TANC2: variants seen among roughly 807,000 people sequenced by gnomAD.
TANC2 encodes the protein protein TANC2.
TANC2 carries 26 observed loss-of-function variants against 210.5 expected under a neutral mutation model. The ratio of observed to expected loss-of-function variants is 0.12; its 90% CI spans 0.09 to 0.17. TANC2 has a LOEUF of 0.17. Among genes scored for constraint, TANC2 ranks in the 10% least tolerant of loss-of-function variants. The pLI, the probability that TANC2 is intolerant of heterozygous loss-of-function variation, is 1.00. For synonymous variants in TANC2, 931 were observed against 967.1 expected, an observed-to-expected ratio of 0.96 and a Z score of 0.69; for missense variants, 2,129 against 2,608.9, an observed-to-expected ratio of 0.82 and a Z score of 4.01.
chr17:63,102,325 A>T (rs2037656031), intron 4 of TANC2, among the ~76,000 whole-genome samples: 1 of 151,984 alleles, frequency 6.6e-6, no homozygotes, highest in South Asian at 2.1e-4. Context: ...AAAAAAAATA[A>T]AAATAAATAA....
In TANC2 at chr17:63,077,844, A is replaced by G. The variant is rs1312575089; in HGVS notation, c.139+3830A>G. On this transcript the variant is annotated intron_variant, in intron 3 of 27. Transcript: ENST00000689528. ...ATTTGGACTATTATGATAGGAAACA[A>G]TGCTCTAAAGGAGGGCAAGTCTGAC... 2.6e-5 allele frequency among the ~76,000 whole-genome samples: 4 copies of G among 152,208 alleles called. 1 individual carries two copies. The South Asian group carries it at 6.2e-4, about 24-fold the overall frequency.
At chr17:63,191,680 C>T (rs953340342) in intron 5 of TANC2, among the ~76,000 whole-genome samples, 1 of 152,078 alleles carries the variant, frequency 6.6e-6, no homozygotes, top group Admixed American at 6.5e-5. Context: ...CCAGGCTGGT[C>T]TTGAACTCCT....
intron 5 of TANC2, chr17:63,153,676 TGTTCAGTG>T (rs1188138627): frequency 4.6e-5 from 7 of 152,172 alleles, no homozygotes; most frequent in Non-Finnish European, 8.8e-5. Context: ...GTACAGTCAT[TGTTCAGTG>T]GTTCAGTGAA....
intron 4 of TANC2, among the ~76,000 whole-genome samples, chr17:63,134,967 A>G (rs2039040939): frequency 6.6e-6 from 1 of 152,200 alleles, no homozygotes; most frequent in Admixed American, 6.5e-5. Context: ...GCGCACACCT[A>G]GCAGTTTGGG....
At chr17:63,250,306 T>TTATG (rs1477844698) in intron 8 of TANC2, among the ~76,000 whole-genome samples, 1 of 152,000 alleles carries the variant, frequency 6.6e-6, no homozygotes, top group East Asian at 1.9e-4. Flanking sequence ...ATTTATTTAT[T>TTATG]TATGAATGAA....
intron 5 of TANC2, among the ~76,000 whole-genome samples, chr17:63,173,116 A>T (rs2040462284): frequency 6.6e-6 from 1 of 152,218 alleles, no homozygotes; most frequent in Non-Finnish European, 1.5e-5. Context: ...TAATTAGATA[A>T]CATAATTGTC....
chr17:63,075,306 G>T (rs2036532730), intron 3 of TANC2, among the ~76,000 whole-genome samples: 2 of 152,134 alleles, frequency 1.3e-5, no homozygotes, highest in South Asian at 4.2e-4. Context: ...TCTGAGCTTT[G>T]TCAGTTAAAA....
intron 2 of TANC2, among the ~76,000 whole-genome samples, chr17:63,068,937 G>A (rs551931855): frequency 6.6e-6 from 1 of 152,074 alleles, no homozygotes; most frequent in Non-Finnish European, 1.5e-5. Context: ...AAACATGCTT[G>A]TGATTTTACA....
intron 7 of TANC2, among the ~76,000 whole-genome samples, chr17:63,203,706 A>G (rs1382160178): frequency 6.6e-6 from 1 of 152,212 alleles, no homozygotes; most frequent in Non-Finnish European, 1.5e-5. Flanking sequence ...TCCAAAGAGA[A>G]GAAAACAGAG....
At chr17:63,087,156 C>A (rs568229675) in intron 3 of TANC2, among the ~76,000 whole-genome samples, 1 of 152,214 alleles carries the variant, frequency 6.6e-6, no homozygotes, top group Non-Finnish European at 1.5e-5. Context: ...GAACCAAATC[C>A]GGACACACTG....
At chr17:63,143,713 C>T (rs1288782422) in intron 4 of TANC2, among the ~76,000 whole-genome samples, 3 of 152,014 alleles carry the variant, frequency 2.0e-5, no homozygotes, top group African/African-American at 4.8e-5. Flanking sequence ...ATAGTTATTT[C>T]ATCCCTTATT....
chr17:63,250,040 T>A (rs1310533396), intron 8 of TANC2, among the ~76,000 whole-genome samples: 1 of 151,886 alleles, frequency 6.6e-6, no homozygotes, highest in East Asian at 1.9e-4. Flanking sequence ...AGTTAAATGC[T>A]GAGTTGTCCT....
At chr17:63,183,857 A>G (rs1398223367) in intron 5 of TANC2, among the ~76,000 whole-genome samples, 2 of 152,158 alleles carry the variant, frequency 1.3e-5, no homozygotes, top group Non-Finnish European at 2.9e-5. Context: ...CTCTACGAAA[A>G]ATACAAAAAA....
At chr17:63,290,019 C>T (rs141331415) in intron 9 of TANC2, among the ~76,000 whole-genome samples, 3 of 152,304 alleles carry the variant, frequency 2.0e-5, no homozygotes, top group African/African-American at 7.2e-5. Context: ...GGAATGCTTC[C>T]CTTCAGTTAG....
exon 28 of TANC2, chr17:63,423,231 T>C (rs555629673): frequency 6.6e-6 from 1 of 152,226 alleles, no homozygotes; most frequent in Non-Finnish European, 1.5e-5. Flanking sequence ...AAAAACTGTT[T>C]CAGGGTGAAG....
chr17:63,049,698 A>G (rs1314412008), intron 2 of TANC2, among the ~76,000 whole-genome samples: 1 of 152,186 alleles, frequency 6.6e-6, no homozygotes, highest in Non-Finnish European at 1.5e-5. Context: ...AGAAGAGTTT[A>G]ATGATCTATT....
chr17:63,202,552 T>C (rs1331468784), intron 7 of TANC2, among the ~76,000 whole-genome samples: 1 of 152,164 alleles, frequency 6.6e-6, no homozygotes, highest in African/African-American at 2.4e-5. Flanking sequence ...CAATTAAGTA[T>C]TTAGGAGCAG....
intron 4 of TANC2, chr17:63,120,805 C>T (rs1235436852): frequency 9.3e-6 from 1 of 107,982 alleles, no homozygotes. Context: ...CAGTATGAGA[C>T]CCTGTCTCAA....
chr17:63,420,087 G>A lies in TANC2; in HGVS notation c.4357G>A (p.Glu1453Lys), dbSNP rs372679973. 1.3e-3 allele frequency: 2,022 copies of A among 1,552,096 alleles called. 4 individuals are homozygous for A. The highest frequency in any genetic ancestry group is 1.7e-3 in the Non-Finnish European group (1,909 of 1,147,158). Residue 1453 changes from glutamate (E) to lysine (K), a missense_variant, in exon 28 of 28, where the codon GAA (glutamate) becomes AAA (lysine). By Grantham distance (56) the Glu-to-Lys change is moderately conservative. Transcript: ENST00000689528. This position sits in a 1 kb window ranked among gnomAD's most constrained non-coding sequence, Gnocchi z 4.2. ...GATCCAGAGACTTCTGCTGAGAGTGGAAGAAGAGTGTAGACAGATGCAGCA... is the reference window on the plus strand; with the variant it reads ...GATCCAGAGACTTCTGCTGAGAGTGAAAGAAGAGTGTAGACAGATGCAGCA...
Sources: gnomAD v4.1 joint callset for allele counts (sites outside exome capture counted in the v4.1 genomes callset) on GRCh38, gnomAD v4.1.1 for gene constraint, Gnocchi (gnomAD v3.1) non-coding constraint, MANE v1.5 for transcripts, NCBI Gene and HGNC (gene_info 2026-07-23, HGNC 2026-07-21) for gene names.